SLC10A7: variants seen among roughly 807,000 people sequenced by gnomAD.
SLC10A7 encodes the protein sodium/bile acid cotransporter 7.
A neutral mutation model predicts 43.2 loss-of-function variants in SLC10A7; 29 were observed. That is an observed-to-expected ratio of 0.67 (90% CI 0.50 to 0.92). The LOEUF (loss-of-function observed/expected upper bound fraction) is 0.92, where lower values mean the gene tolerates loss of function less well. SLC10A7 is among the 40% of genes least tolerant of loss of function. The pLI is 0.00. For missense variants in SLC10A7, 295 were observed against 403.2 expected, an observed-to-expected ratio of 0.73 and a Z score of 2.30; for synonymous variants, 152 against 144.8, an observed-to-expected ratio of 1.05 and a Z score of -0.35.
chr4:146,409,914 G>A (rs897713336), intron 5 of SLC10A7, among the ~76,000 whole-genome samples: 1 of 152,120 alleles, frequency 6.6e-6, no homozygotes, highest in Admixed American at 6.6e-5. Flanking sequence ...CTTTGCTGTG[G>A]AAATAAGCAA....
At chr4:146,463,599 G>A (rs1305957244) in intron 4 of SLC10A7, among the ~76,000 whole-genome samples, 1 of 151,882 alleles carries the variant, frequency 6.6e-6, no homozygotes, top group Non-Finnish European at 1.5e-5. Flanking sequence ...AACGTAGCCA[G>A]GTGCTGTGGC....
At chr4:146,373,803 G>A (rs975431631) in intron 5 of SLC10A7, among the ~76,000 whole-genome samples, 14 of 152,076 alleles carry the variant, frequency 9.2e-5, no homozygotes, top group African/African-American at 2.2e-4. Context: ...AACCACCCAA[G>A]TTATTTTAAT....
At position 146,467,562 on chromosome 4, in the gene SLC10A7, CT is replaced by C. The variant is rs397995707; in HGVS notation, c.397-24742del. Among the ~76,000 whole-genome samples, 340 of 92,822 alleles carry C rather than the reference CT, an allele frequency of 3.7e-3. 1 individual carries two copies. Among genetic ancestry groups the C allele is most frequent in the East Asian group, 0.015 (43 of 2,788 alleles). The allele number at this position is 92,822 out of a possible 152,430, so 60.9% of individuals were successfully genotyped here. On this transcript the variant is annotated intron_variant, in intron 4 of 11. Coordinates refer to ENST00000335472, the MANE Select transcript of SLC10A7 (RefSeq NM_001029998.6). The stretch of plus-strand genomic sequence containing the variant: ...TTGCCCTTTTCTTTTTTCTTTCTCT[CT>C]TTTTTTTTTTTTTTTTTTTTGAGAC...
intron 5 of SLC10A7, among the ~76,000 whole-genome samples, chr4:146,374,624 A>G (rs1200369179): frequency 0.012 from 1,472 of 126,402 alleles, 24 homozygotes; most frequent in African/African-American, 0.043. Flanking sequence ...ACACATACAC[A>G]CACACACACA....
At chr4:146,477,177 C>T (rs1293120223) in intron 4 of SLC10A7, among the ~76,000 whole-genome samples, 1 of 152,196 alleles carries the variant, frequency 6.6e-6, no homozygotes, top group East Asian at 1.9e-4. Flanking sequence ...GATTTAAAGA[C>T]ATTTTTACAG....
At chr4:146,429,039 A>T (rs1347472953) in intron 5 of SLC10A7, among the ~76,000 whole-genome samples, 1 of 152,170 alleles carries the variant, frequency 6.6e-6, no homozygotes, top group Non-Finnish European at 1.5e-5. Context: ...GTAGAAAAAA[A>T]ATCTTATAAA....
intron 5 of SLC10A7, among the ~76,000 whole-genome samples, chr4:146,368,050 T>G (rs556360070): frequency 6.6e-6 from 1 of 152,318 alleles, no homozygotes; most frequent in East Asian, 1.9e-4. Context: ...AAGCTCTGTT[T>G]CAGCATTCAT....
rs551534305 is a variant in SLC10A7 at position 146,467,515 on chromosome 4, T to C, written c.397-24694A>G. Reference sequence around the variant, plus strand: ...CACACACAGGCACACACAAATACTTTTTTACTCCTTAGCATGTTTTTTTGC... The same window carrying C: ...CACACACAGGCACACACAAATACTTCTTTACTCCTTAGCATGTTTTTTTGC... On this transcript the variant is annotated intron_variant, in intron 4 of 11. Coordinates refer to ENST00000335472, the MANE Select transcript of SLC10A7 (RefSeq NM_001029998.6). 3.7e-3 allele frequency among the ~76,000 whole-genome samples: 563 copies of C among 150,588 alleles called. 4 individuals carry two copies. Among genetic ancestry groups the C allele is most frequent in the African/African-American group, 0.013 (520 of 41,002 alleles).
intron 10 of SLC10A7, among the ~76,000 whole-genome samples, chr4:146,269,474 A>C (rs1279563676): frequency 6.6e-6 from 1 of 152,226 alleles, no homozygotes; most frequent in Non-Finnish European, 1.5e-5. Flanking sequence ...CTAGGCTGTG[A>C]ATGAAGAGTT....
intron 4 of SLC10A7, among the ~76,000 whole-genome samples, chr4:146,458,017 A>C (rs1560927718): frequency 6.6e-6 from 1 of 151,942 alleles, no homozygotes; most frequent in African/African-American, 2.4e-5. Context: ...AAATCAGATT[A>C]AAACATCATA....
chr4:146,521,620 C>T lies in SLC10A7; in HGVS notation c.98G>A (p.Gly33Glu). The T allele has an allele frequency of 1.9e-6, 3 of 1,613,256 alleles. No individual in the cohort carries two copies. The highest frequency in any genetic ancestry group is 2.2e-5 in the South Asian group (2 of 91,056). Residue 33 changes from glycine to glutamate, a missense_variant and splice_region_variant, in exon 1 of 12, where the codon GGG becomes GAG. Coordinates refer to ENST00000335472, the MANE Select transcript of SLC10A7 (RefSeq NM_001029998.6). ...GCCGGCAGAGGTGCAGCACTTACCC[C>T]CATTCACCCCTATGGACGGCTCCAG... Reference protein sequence around the residue: ...AKLEPSIGVNGGPLKPEITVS... With the variant: ...AKLEPSIGVNEGPLKPEITVS...
At chr4:146,400,601 T>C (rs1014555933) in intron 5 of SLC10A7, among the ~76,000 whole-genome samples, 5 of 152,066 alleles carry the variant, frequency 3.3e-5, no homozygotes, top group Non-Finnish European at 7.4e-5. Flanking sequence ...AGAATAGAAC[T>C]AAGGATATGG....
chr4:146,510,050 C>T lies in SLC10A7; in HGVS notation c.184-1G>A, dbSNP rs376456265. On this transcript the variant is annotated splice_acceptor_variant, in intron 2 of 11. Transcript: ENST00000335472. LOFTEE classifies it high-confidence loss of function. ...GATGCACCAAAGCACTGGTCAGCTC[C>T]TGGAAAAATTAAGGAAACAAAATAA... 82 of 1,590,276 alleles carry T rather than the reference C, an allele frequency of 5.2e-5. No individual in the cohort carries two copies. The highest frequency in any genetic ancestry group is 6.9e-5 in the Non-Finnish European group (81 of 1,172,202).
At chr4:146,434,681 A>C (rs1386184748) in intron 5 of SLC10A7, among the ~76,000 whole-genome samples, 1 of 152,178 alleles carries the variant, frequency 6.6e-6, no homozygotes, top group Non-Finnish European at 1.5e-5. Context: ...CTCCTGCCTC[A>C]GTCTCCTGAG....
chr4:146,285,645 T>A (rs887900114), intron 9 of SLC10A7, among the ~76,000 whole-genome samples: 1 of 152,160 alleles, frequency 6.6e-6, no homozygotes, highest in African/African-American at 2.4e-5. Flanking sequence ...AAATTAGAAA[T>A]TTTGAGTATA....
intron 4 of SLC10A7, among the ~76,000 whole-genome samples, chr4:146,446,167 C>G (rs1315756113): frequency 1.3e-5 from 2 of 152,136 alleles, no homozygotes; most frequent in Admixed American, 1.3e-4. Flanking sequence ...TCCCCCAACA[C>G]ACGCACACAC....
rs557513400 is a variant in SLC10A7 at position 146,360,972 on chromosome 4, T to C, written c.436-34976A>G. The stretch of plus-strand genomic sequence containing the variant: ...TGGGCTGGGCCTCTGTGCATGCTGT[T>C]CCCTCTACTAGGAACATGTATTTTC... On this transcript the variant is annotated intron_variant, in intron 5 of 11. Coordinates refer to ENST00000335472, the MANE Select transcript of SLC10A7 (RefSeq NM_001029998.6). Among the ~76,000 whole-genome samples the C allele has an allele frequency of 7.2e-5, 11 of 152,182 alleles. No individual in the cohort carries two copies. In the South Asian group the frequency reaches 2.3e-3, roughly 32 times the overall value.
At chr4:146,413,735 A>T (rs1433479693) in intron 5 of SLC10A7, among the ~76,000 whole-genome samples, 1 of 152,192 alleles carries the variant, frequency 6.6e-6, no homozygotes, top group Non-Finnish European at 1.5e-5. Flanking sequence ...GTAAATAAAC[A>T]TGGTCTACAG....
intron 5 of SLC10A7, among the ~76,000 whole-genome samples, chr4:146,392,413 C>A (rs539736971): frequency 1.3e-5 from 2 of 152,234 alleles, no homozygotes; most frequent in South Asian, 2.1e-4. Context: ...TTGGCTGTCT[C>A]TCTAGTGGGA....
Sources: allele counts gnomAD v4.1 joint callset (sites outside exome capture counted in the v4.1 genomes callset), GRCh38; gene constraint gnomAD v4.1.1; transcripts MANE v1.5; gene names NCBI Gene and HGNC (gene_info 2026-07-23, HGNC 2026-07-21).